The following IL1RAP variants were observed in gnomAD, a reference collection of about 807,000 sequenced individuals.
IL1RAP encodes the protein interleukin 1 receptor accessory protein.
Under a neutral mutation model 60.7 loss-of-function variants are expected in IL1RAP, and 35 were observed. The observed-to-expected ratio is 0.58, with a 90% CI of 0.44 to 0.76. IL1RAP has a LOEUF of 0.76. IL1RAP is among the 30% of genes least tolerant of loss of function. IL1RAP has a pLI of 0.00. For missense variants in IL1RAP, 572 were observed against 693.9 expected, an observed-to-expected ratio of 0.82 and a Z score of 1.97; for synonymous variants, 268 against 250.9, an observed-to-expected ratio of 1.07 and a Z score of -0.64.
chr3:190,555,103 A>G (rs1345552045), intron 1 of IL1RAP, among the ~76,000 whole-genome samples: 1 of 152,174 alleles, frequency 6.6e-6, no homozygotes, highest in Non-Finnish European at 1.5e-5. Context: ...AGTGAAATTT[A>G]AGGGGAGAAA....
At chr3:190,564,094 A>AAAAC in intron 2 of IL1RAP, 195 bp from the exon 3 acceptor site, 1 of 564,134 alleles carries the variant, frequency 1.8e-6, no homozygotes, top group Non-Finnish European at 3.2e-6. Context: ...TGGGAATTGA[A>AAAAC]AAACAAACAA....
At chr3:190,557,666 T>G (rs1052763281) in intron 2 of IL1RAP, among the ~76,000 whole-genome samples, 8 of 152,218 alleles carry the variant, frequency 5.3e-5, no homozygotes, top group African/African-American at 1.4e-4. Context: ...TGTGTTATTT[T>G]CAAAGTAAAT....
chr3:190,532,052 C>T (rs542050566), intron 1 of IL1RAP, among the ~76,000 whole-genome samples: 1 of 152,216 alleles, frequency 6.6e-6, no homozygotes, highest in East Asian at 1.9e-4. Flanking sequence ...CTGTAACTGG[C>T]TTTCTAGTTC....
intron 1 of IL1RAP, among the ~76,000 whole-genome samples, chr3:190,544,371 C>A (rs1252462788): frequency 3.3e-5 from 5 of 152,184 alleles, no homozygotes; most frequent in Non-Finnish European, 7.4e-5. Context: ...CATTATCATA[C>A]TTAAATCCAC....
intron 2 of IL1RAP, chr3:190,564,031 C>A: frequency 2.4e-6 from 1 of 417,368 alleles, no homozygotes; most frequent in Non-Finnish European, 4.4e-6. Context: ...GCCAAAGGAT[C>A]TTAGTTATGT....
chr3:190,587,534 C>T (rs1728571005), intron 3 of IL1RAP, among the ~76,000 whole-genome samples: 2 of 152,182 alleles, frequency 1.3e-5, no homozygotes, highest in African/African-American at 4.8e-5. Flanking sequence ...TGTCTTTGTT[C>T]TCCATAGGGT....
chr3:190,567,187 C>T (rs1307697773), intron 3 of IL1RAP, among the ~76,000 whole-genome samples: 1 of 152,166 alleles, frequency 6.6e-6, no homozygotes, highest in Non-Finnish European at 1.5e-5. Context: ...CATGATTTTT[C>T]TGGTAGCAGT....
intron 3 of IL1RAP, among the ~76,000 whole-genome samples, chr3:190,565,724 C>T (rs567323582): frequency 3.3e-5 from 5 of 152,184 alleles, no homozygotes; most frequent in Middle Eastern, 6.8e-3. Flanking sequence ...GGTTAGGTGT[C>T]GCGTTTGATA....
intron 6 of IL1RAP, among the ~76,000 whole-genome samples, chr3:190,621,489 C>A (rs1402908972): frequency 6.6e-6 from 1 of 152,160 alleles, no homozygotes; most frequent in Non-Finnish European, 1.5e-5. Context: ...TTCATCTTAG[C>A]AGTTGTTTCT....
chr3:190,608,200 T>C (rs934319821), intron 4 of IL1RAP, among the ~76,000 whole-genome samples: 4 of 152,196 alleles, frequency 2.6e-5, no homozygotes, highest in African/African-American at 7.2e-5. Context: ...ATGACCATCA[T>C]AGAGTATAGT....
chr3:190,650,785 C>A lies in IL1RAP; in HGVS notation c.*2080C>A, dbSNP rs192153138. 4.9e-5 allele frequency: 48 copies of A among 984,014 alleles called. No homozygotes were observed. The African/African-American group carries it at 7.7e-4, about 16-fold the overall frequency. 61.0% of individuals were successfully genotyped at this position (984,014 alleles called of 1,614,324 possible). On this transcript the variant is annotated 3_prime_UTR_variant, in exon 12 of 12. Transcript: ENST00000447382. ...TCTATTAACCCTTCACTTACTAGAC[C>A]AGAAAAGAACTTATTCCAGATAAGC...
chr3:190,533,379 T>C (rs924447609), intron 1 of IL1RAP, among the ~76,000 whole-genome samples: 2 of 152,214 alleles, frequency 1.3e-5, no homozygotes, highest in African/African-American at 4.8e-5. Flanking sequence ...AAAATGACAT[T>C]TAAAGGCCTT....
At chr3:190,534,657 T>G (rs1723277811) in intron 1 of IL1RAP, among the ~76,000 whole-genome samples, 1 of 152,166 alleles carries the variant, frequency 6.6e-6, no homozygotes, top group East Asian at 1.9e-4. Flanking sequence ...CTCTTTTTCC[T>G]GGATACAAAT....
chr3:190,650,767 A>C lies in IL1RAP; in HGVS notation c.*2062A>C. The C allele has an allele frequency of 1.0e-6, 1 of 983,876 alleles. No homozygotes were observed. The highest frequency in any genetic ancestry group is 1.2e-6 in the Non-Finnish European group (1 of 828,592). 60.9% of individuals were successfully genotyped at this position (983,876 alleles called of 1,614,324 possible). A position where few individuals can be genotyped will look rare whatever the true frequency, so the allele number is the denominator to read the frequency against. ...GAAACCACAATTACTCCCTCTATTA[A>C]CCCTTCACTTACTAGACCAGAAAAG... On this transcript the variant is annotated 3_prime_UTR_variant, in exon 12 of 12. Transcript: ENST00000447382.
rs1348634967 is a variant in IL1RAP, at chr3:190,638,314, G to T, written c.1052-5934G>T. Reference sequence around the variant, plus strand: ...TTTGTTTTAGCAATTATAGGTGAGTGTATGGTGGTATCTTACTGTAGTTTA... The same window carrying T: ...TTTGTTTTAGCAATTATAGGTGAGTTTATGGTGGTATCTTACTGTAGTTTA... On this transcript the variant is annotated intron_variant, in intron 9 of 11. Transcript: ENST00000447382. 2.6e-5 allele frequency among the ~76,000 whole-genome samples: 4 copies of T among 152,032 alleles called. No individual in the cohort carries two copies. In the South Asian group the frequency reaches 8.3e-4, roughly 32 times the overall value.
At position 190,572,489 on chromosome 3, in the gene IL1RAP, A is replaced by AAGAG. The variant is rs1318302373; in HGVS notation, c.64+8145_64+8148dup. ...TTTGAAAAAGAGAGATAGTAGGAAA[A>AAGAG]AGAGAGAGAGAGGCATAAAATGCAA... On this transcript the variant is annotated intron_variant, in intron 3 of 11. Coordinates refer to ENST00000447382, the MANE Select transcript of IL1RAP (RefSeq NM_002182.4). 2.6e-5 allele frequency among the ~76,000 whole-genome samples: 4 copies of AAGAG among 152,084 alleles called. No homozygotes were observed. The East Asian group carries it at 7.7e-4, about 29-fold the overall frequency.
intron 9 of IL1RAP, among the ~76,000 whole-genome samples, chr3:190,632,490 G>A (rs944795430): frequency 1.1e-4 from 16 of 152,074 alleles, no homozygotes; most frequent in Non-Finnish European, 1.5e-4. Flanking sequence ...AGACACAGAC[G>A]CATATATATC....
intron 2 of IL1RAP, among the ~76,000 whole-genome samples, chr3:190,558,739 G>GA (rs1725642474): frequency 6.6e-6 from 1 of 152,056 alleles, no homozygotes; most frequent in African/African-American, 2.4e-5. Context: ...TCTATAGCTA[G>GA]AAAAAATCTT....
At chr3:190,521,808 G>A (rs1353389270) in intron 1 of IL1RAP, among the ~76,000 whole-genome samples, 2 of 151,826 alleles carry the variant, frequency 1.3e-5, no homozygotes, top group Non-Finnish European at 2.9e-5. Flanking sequence ...ACTCGGTTAG[G>A]CACATGGACA....
Sources: gnomAD v4.1 joint callset for allele counts (sites outside exome capture counted in the v4.1 genomes callset) on GRCh38, gnomAD v4.1.1 for gene constraint, MANE v1.5 for transcripts, NCBI Gene and HGNC (gene_info 2026-07-23, HGNC 2026-07-21) for gene names.